Variants in SNAP91 observed in about 807,000 individuals in gnomAD.
SNAP91 encodes the protein synaptosome associated protein 91.
A neutral mutation model predicts 100.3 loss-of-function variants in SNAP91; 27 were observed. The observed-to-expected ratio is 0.27, with a 90% CI of 0.20 to 0.37. The LOEUF (loss-of-function observed/expected upper bound fraction) is 0.37, where lower values mean the gene tolerates loss of function less well. SNAP91 is among the 10% of genes least tolerant of loss of function. The pLI, the probability that SNAP91 is intolerant of heterozygous loss-of-function variation, is 1.00. For missense variants in SNAP91, 986 were observed against 1,123.7 expected (o/e 0.88, Z 1.75); for synonymous variants, 404 against 398.6 (o/e 1.01, Z -0.16).
intron 2 of SNAP91, among the ~76,000 whole-genome samples, chr6:83,674,831 A>C (rs368279183): frequency 4.7e-4 from 72 of 152,332 alleles, no homozygotes; most frequent in African/African-American, 1.7e-3. Flanking sequence ...AATTATGCAT[A>C]TAGAAGTTCT....
At chr6:83,670,822 G>A (rs78196744) in intron 2 of SNAP91, among the ~76,000 whole-genome samples, 3,155 of 150,372 alleles carry the variant, frequency 0.021, 54 homozygotes, top group Non-Finnish European at 0.032. Flanking sequence ...ACAAATCTTT[G>A]AGTCTCTTTT....
intron 5 of SNAP91, among the ~76,000 whole-genome samples, chr6:83,660,780 CT>C (rs113422614): frequency 0.065 from 9,401 of 145,444 alleles, 294 homozygotes; most frequent in Middle Eastern, 0.093. Flanking sequence ...TATTTTCCAT[CT>C]TTTTTTTTTT....
At chr6:83,603,792 C>T (rs893968785) in intron 14 of SNAP91, among the ~76,000 whole-genome samples, 5 of 152,126 alleles carry the variant, frequency 3.3e-5, no homozygotes, top group African/African-American at 1.2e-4. Context: ...GCATGATCTA[C>T]ATTGTCTGTA....
intron 16 of SNAP91, among the ~76,000 whole-genome samples, chr6:83,596,685 C>G (rs1409335630): frequency 6.6e-6 from 1 of 151,778 alleles, no homozygotes; most frequent in Non-Finnish European, 1.5e-5. Context: ...GCTCAATTAG[C>G]CATTCCACAA....
intron 2 of SNAP91, chr6:83,678,731 C>T: frequency 7.8e-7 from 1 of 1,288,442 alleles, no homozygotes; most frequent in Non-Finnish European, 1.0e-6. Flanking sequence ...ATCCTTGGCA[C>T]CATCTCCCAG....
chr6:83,592,775 AT>A (rs537410142), intron 20 of SNAP91, among the ~76,000 whole-genome samples, 170 bp downstream of exon 20: 2 of 152,216 alleles, frequency 1.3e-5, no homozygotes, highest in Non-Finnish European at 2.9e-5. Flanking sequence ...CTAGCCTTAA[AT>A]TTGAAATATT....
chr6:83,678,290 C>A (rs1186212876), intron 2 of SNAP91, among the ~76,000 whole-genome samples: 1 of 152,038 alleles, frequency 6.6e-6, no homozygotes, highest in Non-Finnish European at 1.5e-5. Flanking sequence ...GATTGACCAG[C>A]CCTGAACATC....
chr6:83,688,833 T>C (rs760638717), intron 2 of SNAP91, among the ~76,000 whole-genome samples: 1 of 152,166 alleles, frequency 6.6e-6, no homozygotes, highest in Admixed American at 6.5e-5. Flanking sequence ...TTTCCACTTC[T>C]GTGCTTTCAA....
intron 2 of SNAP91, among the ~76,000 whole-genome samples, chr6:83,669,831 C>A (rs560399382): frequency 1.3e-5 from 2 of 151,822 alleles, no homozygotes; most frequent in South Asian, 2.1e-4. Context: ...ATAATTCATT[C>A]CTTTTTATTG....
intron 28 of SNAP91, 25 bp from the exon 29 acceptor site, chr6:83,556,270 A>G (rs1215326083): frequency 6.6e-6 from 8 of 1,213,084 alleles, no homozygotes; most frequent in Non-Finnish European, 8.9e-6. Flanking sequence ...CCAGCCCCAA[A>G]GAGCAGGAAT....
intron 29 of SNAP91, among the ~76,000 whole-genome samples, chr6:83,554,898 C>T (rs762045768): frequency 2.6e-5 from 4 of 152,152 alleles, no homozygotes; most frequent in Non-Finnish European, 5.9e-5. Flanking sequence ...GTAATTCTCT[C>T]TGTGTCTCTG....
At chr6:83,691,505 A>T (rs2099129801) in intron 2 of SNAP91, among the ~76,000 whole-genome samples, 2 of 152,104 alleles carry the variant, frequency 1.3e-5, no homozygotes, top group Non-Finnish European at 2.9e-5. Flanking sequence ...TTTCTAATTA[A>T]CTTCCCTACT....
chr6:83,597,311 T>C (rs145653448), intron 16 of SNAP91, among the ~76,000 whole-genome samples: 22 of 152,292 alleles, frequency 1.4e-4, no homozygotes, highest in African/African-American at 4.6e-4. Flanking sequence ...CTGAGCTCAG[T>C]CAGCCACCAG....
intron 3 of SNAP91, 61 bp from the exon 4 acceptor site, chr6:83,662,483 G>T: frequency 1.5e-6 from 1 of 645,238 alleles, no homozygotes; most frequent in East Asian, 3.4e-5. Flanking sequence ...AACAATTTCT[G>T]ACACTAAAGC....
In SNAP91 at chr6:83,560,847, C is replaced by T; in HGVS notation, c.2526+17G>A. On this transcript the variant is annotated intron_variant, in intron 27 of 29. Transcript: ENST00000369694. ...TAGAAATGTTGATTACAATTTTTAG[C>T]ACACGTCATCACTCACCATTCCAAA... 6.2e-7 allele frequency: 1 copy of T among 1,608,228 alleles called. No individual in the cohort carries two copies. The highest frequency in any genetic ancestry group is 8.5e-7 in the Non-Finnish European group (1 of 1,175,028).
chr6:83,706,342 TGC>T, intron 2 of SNAP91, among the ~76,000 whole-genome samples: 5 of 152,256 alleles, frequency 3.3e-5, no homozygotes, highest in Admixed American at 3.3e-4. Context: ...TGATTCAGCA[TGC>T]TGCAGCAAAG....
intron 8 of SNAP91, among the ~76,000 whole-genome samples, chr6:83,639,785 A>G (rs1328246862): frequency 1.3e-5 from 2 of 152,156 alleles, no homozygotes; most frequent in African/African-American, 4.8e-5. Context: ...AACTGGGATG[A>G]ATGTACACCA....
At chr6:83,673,600 A>G (rs2098819143) in intron 2 of SNAP91, among the ~76,000 whole-genome samples, 1 of 152,180 alleles carries the variant, frequency 6.6e-6, no homozygotes, top group African/African-American at 2.4e-5. Flanking sequence ...ACTTGCAAAC[A>G]TTTGTAAACA....
At chr6:83,696,181 C>T (rs778816476) in intron 2 of SNAP91, among the ~76,000 whole-genome samples, 1 of 152,158 alleles carries the variant, frequency 6.6e-6, no homozygotes, top group Admixed American at 6.5e-5. Flanking sequence ...AACAAAACTA[C>T]ATGAAGCCAT....
Sources: allele counts gnomAD v4.1 joint callset (sites outside exome capture counted in the v4.1 genomes callset), GRCh38; gene constraint gnomAD v4.1.1; transcripts MANE v1.5; gene names NCBI Gene and HGNC (gene_info 2026-07-23, HGNC 2026-07-21).